ADAM20: variants seen among roughly 807,000 people sequenced by gnomAD.
The protein encoded by ADAM20 is ADAM metallopeptidase domain 20, also known as disintegrin and metalloproteinase domain-containing protein 20.
For synonymous variants in ADAM20, 305 were observed against 310.2 expected (o/e 0.98, Z 0.18); for missense variants, 871 against 883.2 (o/e 0.99, Z 0.18).
At chr14:70,524,987 A>G (rs1390520935) in intron 1 of ADAM20, 54 bp from the exon 2 acceptor site, 1 of 1,430,150 alleles carries the variant, frequency 7.0e-7, no homozygotes, top group Non-Finnish European at 9.4e-7. Flanking sequence ...GAGAGAGAGA[A>G]AAAAGGCAAA....
rs1883473420 is a variant in ADAM20 at position 70,522,560 on chromosome 14, T to C, written c.*17A>G. 2 of 1,542,812 alleles carry C rather than the reference T, an allele frequency of 1.3e-6. No individual in the cohort carries two copies. The highest frequency in any genetic ancestry group is 1.4e-5 in the African/African-American group (1 of 72,222). On this transcript the variant is annotated 3_prime_UTR_variant, in exon 2 of 2. Coordinates refer to ENST00000256389, the MANE Select transcript of ADAM20 (RefSeq NM_003814.5). Reference sequence around the variant, plus strand: ...AATGAAGTATAAAGTTTAGTCTCCTTCTTTTTCCCATTTCTCTTATCCTTC... The same window carrying C: ...AATGAAGTATAAAGTTTAGTCTCCTCCTTTTTCCCATTTCTCTTATCCTTC...
chr14:70,534,589 C>T (rs1883790971), intron 1 of ADAM20, among the ~76,000 whole-genome samples: 1 of 152,022 alleles, frequency 6.6e-6, no homozygotes, highest in Admixed American at 6.6e-5. Flanking sequence ...CAGAATGATT[C>T]CACTTACGAG....
the ADAM20 span, among the ~76,000 whole-genome samples, chr14:70,561,951 A>G: frequency 1.3e-5 from 2 of 152,244 alleles, no homozygotes; most frequent in East Asian, 1.9e-4. Context: ...GTGGGATTGG[A>G]GTCCCCACAT....
chr14:70,565,854 G>C, the ADAM20 span, among the ~76,000 whole-genome samples: 2 of 152,030 alleles, frequency 1.3e-5, no homozygotes, highest in African/African-American at 4.8e-5. Flanking sequence ...TTTAGAATTT[G>C]TGGATTGTAT....
At chr14:70,553,085 C>T in the ADAM20 span, among the ~76,000 whole-genome samples, 1 of 38,646 alleles carries the variant, frequency 2.6e-5, no homozygotes, top group Non-Finnish European at 5.0e-5. Flanking sequence ...CGCATATTCT[C>T]ACTCATAGGT....
Position 70,524,931 on chromosome 14 carries a change from A to C in ADAM20, c.-174T>G, listed in dbSNP as rs753068057. On this transcript the variant is annotated splice_region_variant and 5_prime_UTR_variant, in exon 2 of 2. Transcript: ENST00000256389. ...ATCAGAGCTGCAGTGCTGAAAATAA[A>C]AACTGAAAGAGCCAGGATGGGGTGG... 5 of 1,565,072 alleles carry C rather than the reference A, an allele frequency of 3.2e-6. No homozygotes were observed. The Admixed American group carries it at 9.6e-5, about 30-fold the overall frequency.
At chr14:70,560,447 T>A in the ADAM20 span, among the ~76,000 whole-genome samples, 1 of 152,112 alleles carries the variant, frequency 6.6e-6, no homozygotes, top group Non-Finnish European at 1.5e-5. Flanking sequence ...GGGAGGGAGA[T>A]CTTATTCACA....
chr14:70,554,804 G>C, the ADAM20 span, among the ~76,000 whole-genome samples: 1 of 152,104 alleles, frequency 6.6e-6, no homozygotes, highest in African/African-American at 2.4e-5. Flanking sequence ...AAGAGTTGAG[G>C]GTGTCCAGGT....
At chr14:70,561,002 T>C in the ADAM20 span, among the ~76,000 whole-genome samples, 5 of 152,000 alleles carry the variant, frequency 3.3e-5, no homozygotes, top group Non-Finnish European at 5.9e-5. Flanking sequence ...CATTCAGAGG[T>C]TGGAACAGTT....
At chr14:70,553,524 CTA>C in the ADAM20 span, among the ~76,000 whole-genome samples, 2 of 94,978 alleles carry the variant, frequency 2.1e-5, no homozygotes, top group African/African-American at 4.5e-5. Flanking sequence ...TGCAAAAATC[CTA>C]AAAAAAAAAA....
chr14:70,563,746 T>C, the ADAM20 span, among the ~76,000 whole-genome samples: 37 of 152,260 alleles, frequency 2.4e-4, 2 homozygotes. Context: ...GCTTTTGCCA[T>C]GTGACATGCA....
chr14:70,555,311 T>C, the ADAM20 span, among the ~76,000 whole-genome samples: 1 of 152,328 alleles, frequency 6.6e-6, no homozygotes, highest in African/African-American at 2.4e-5. Flanking sequence ...GTGTGAGATG[T>C]AGATATATTA....
the ADAM20 span, among the ~76,000 whole-genome samples, chr14:70,578,788 T>C: frequency 6.6e-6 from 1 of 152,132 alleles, no homozygotes. Flanking sequence ...AATGATGCTG[T>C]TGCCGAAGTA....
Position 70,524,102 on chromosome 14 carries a change from CT to C in ADAM20, c.655del (p.Arg219AspfsTer22). ...VELVVVVDNI[R>X]YLFSQSNATT... is the part of the protein sequence containing the mutation. ...TGCATTACTTTGAGAGAAAAGATAT[CT>C]AATATTATCCACGACCACTACCAGC... is the stretch of plus-strand genomic sequence containing the variant. On this transcript the variant is annotated frameshift_variant, in exon 2 of 2. Transcript: ENST00000256389. LOFTEE classifies it low-confidence loss of function (END_TRUNC). The C allele has an allele frequency of 6.2e-7, 1 of 1,613,860 alleles. No individual in the cohort carries two copies. The highest frequency in any genetic ancestry group is 8.5e-7 in the Non-Finnish European group (1 of 1,179,938).
At chr14:70,553,516 C>T in the ADAM20 span, among the ~76,000 whole-genome samples, 1,021 of 80,828 alleles carry the variant, frequency 0.013, 6 homozygotes, top group South Asian at 0.021. Flanking sequence ...AATATTAATG[C>T]AAAAATCCTA....
the ADAM20 span, among the ~76,000 whole-genome samples, chr14:70,541,879 T>C: frequency 9.2e-5 from 14 of 152,246 alleles, no homozygotes; most frequent in Non-Finnish European, 1.8e-4. Context: ...AAGGTAATTG[T>C]GTCTTTAACT....
intron 1 of ADAM20, among the ~76,000 whole-genome samples, chr14:70,529,048 C>G (rs1883653106): frequency 6.6e-6 from 1 of 152,076 alleles, no homozygotes; most frequent in African/African-American, 2.4e-5. Flanking sequence ...CAAACATTGA[C>G]ATAATTTAAG....
chr14:70,524,501 TG>T lies in ADAM20; in HGVS notation c.256del (p.His86ThrfsTer53). On this transcript the variant is annotated frameshift_variant, in exon 2 of 2. Transcript: ENST00000256389. LOFTEE classifies it low-confidence loss of function (END_TRUNC). ...MRVNKLLFAA[H>X]LPVFTYTEQH... ...CTCTGTGTAGGTGAACACAGGAAGG[TG>T]TGCAGCAAACAACAGCTTATTTACC... 6.2e-7 allele frequency: 1 copy of T among 1,613,902 alleles called. No individual in the cohort carries two copies. The highest frequency in any genetic ancestry group is 2.2e-5 in the East Asian group (1 of 44,874).
At chr14:70,544,938 A>G in the ADAM20 span, among the ~76,000 whole-genome samples, 1 of 152,346 alleles carries the variant, frequency 6.6e-6, no homozygotes, top group Non-Finnish European at 1.5e-5. Flanking sequence ...ATGAATATCT[A>G]GCAATATTGA....
Sources: allele counts gnomAD v4.1 joint callset (sites outside exome capture counted in the v4.1 genomes callset), GRCh38; gene constraint gnomAD v4.1.1; transcripts MANE v1.5; gene names NCBI Gene and HGNC (gene_info 2026-07-23, HGNC 2026-07-21).